Variants in HLTF observed in about 807,000 individuals in gnomAD.
HLTF encodes DNA-dependent ATPase/E3 ubiquitin-protein ligase HLTF.
Under a neutral mutation model 129.4 loss-of-function variants are expected in HLTF, and 127 were observed. The ratio of observed to expected loss-of-function variants is 0.98; its 90% CI spans 0.85 to 1.14. The LOEUF is 1.14. Ranked by LOEUF, HLTF falls within the 50% of genes most tolerant of loss-of-function variation. The probability of loss-of-function intolerance (pLI) is 0.00; values close to 1 mark genes in which losing one functional copy is unlikely to be tolerated. For synonymous variants in HLTF, 332 were observed against 388.8 expected, an observed-to-expected ratio of 0.85 and a Z score of 1.72; for missense variants, 1,139 against 1,187.1, an observed-to-expected ratio of 0.96 and a Z score of 0.60.
In HLTF at chr3:149,060,670, G is replaced by C. The variant is rs773431408; in HGVS notation, c.1258C>G (p.Gln420Glu). 6.2e-7 allele frequency: 1 copy of C among 1,613,090 alleles called. No homozygotes were observed. Among genetic ancestry groups the C allele is most frequent in the Middle Eastern group, 1.7e-4 (1 of 6,048 alleles). The change falls in exon 12 of 25, where the codon CAG becomes GAG. Residue 420 changes from glutamine (Q) to glutamate (E), a missense_variant. Coordinates refer to ENST00000310053, the MANE Select transcript of HLTF (RefSeq NM_003071.4). Reference sequence around the variant, plus strand: ...TTCGCCCTGCCTTTAGTTTCAGACTGTACATTTTTCAGTTTGCCTAAAAAT... The same window carrying C: ...TTCGCCCTGCCTTTAGTTTCAGACTCTACATTTTTCAGTTTGCCTAAAAAT... ...QKMKGKLKNV[Q>E]SETKGRAKAG...
intron 23 of HLTF, 139 bp downstream of exon 23, chr3:149,038,910 T>C (rs191039247): frequency 1.5e-4 from 76 of 522,956 alleles, no homozygotes; most frequent in Middle Eastern, 5.1e-4. Context: ...ATTTACTAAG[T>C]TTTTGTTATT....
chr3:149,036,400 T>C (rs1249609071), intron 23 of HLTF, among the ~76,000 whole-genome samples: 1 of 144,988 alleles, frequency 6.9e-6, no homozygotes, highest in Non-Finnish European at 1.5e-5. Context: ...GCGATTCTCC[T>C]GCCTCAGCCT....
At chr3:149,073,103 T>C in intron 5 of HLTF, 122 bp downstream of exon 5, 1 of 493,406 alleles carries the variant, frequency 2.0e-6, no homozygotes, top group South Asian at 4.9e-5. Flanking sequence ...CATGTTTCAT[T>C]ATAACTTAAT....
In HLTF at chr3:149,055,379, G is replaced by C. The variant is rs957070470; in HGVS notation, c.1397C>G (p.Ser466Ter). The change falls in exon 14 of 25, where the codon TCA becomes TGA. Residue 466 changes from serine to a stop codon, truncating the protein, a stop_gained. Coordinates refer to ENST00000310053, the MANE Select transcript of HLTF (RefSeq NM_003071.4). LOFTEE classifies it high-confidence loss of function. ...TCTCTCCTCAACATCAGTTTTCTTT[G>C]ACCCCTCCACTGCACAAGCTCCTAA... ...LKKGACAVEG[S>*]KKTDVEERPR... 6.2e-7 allele frequency: 1 copy of C among 1,613,324 alleles called. No homozygotes were observed. The highest frequency in any genetic ancestry group is 8.5e-7 in the Non-Finnish European group (1 of 1,179,428).
rs113393362 is a variant in HLTF at position 149,042,027 on chromosome 3, T to G, written c.2197+139A>C. ...GTAAAAAAATTATTGGATGTATTCC[T>G]AGCTGAGTCTCACACTAAAAGCAAT... On this transcript the variant is annotated intron_variant, in intron 19 of 24. Coordinates refer to ENST00000310053, the MANE Select transcript of HLTF (RefSeq NM_003071.4). 5.4e-5 allele frequency: 39 copies of G among 717,578 alleles called. 2 individuals are homozygous for G. The African/African-American group carries it at 5.5e-4, about 10-fold the overall frequency. 44.5% of individuals were successfully genotyped at this position (717,578 alleles called of 1,614,324 possible). A position where few individuals can be genotyped will look rare whatever the true frequency, so the allele number is the denominator to read the frequency against.
At chr3:149,056,627 A>AT (rs1717460006) in intron 13 of HLTF, among the ~76,000 whole-genome samples, 1 of 152,190 alleles carries the variant, frequency 6.6e-6, no homozygotes, top group Non-Finnish European at 1.5e-5. Context: ...ACCAAACCCT[A>AT]TATATAATGT....
chr3:149,035,517 G>A (rs904587683), intron 23 of HLTF, among the ~76,000 whole-genome samples: 5 of 151,894 alleles, frequency 3.3e-5, no homozygotes, highest in Admixed American at 6.6e-5. Context: ...AATTAGCCGG[G>A]AGAGGTGGCG....
intron 2 of HLTF, among the ~76,000 whole-genome samples, chr3:149,083,928 GA>G (rs71617498): frequency 9.5e-4 from 125 of 131,536 alleles, no homozygotes; most frequent in Admixed American, 1.9e-3. Flanking sequence ...CAAAAAAAAA[GA>G]AAAAAAAAAA....
chr3:149,057,812 A>G (rs2108010552), intron 13 of HLTF, among the ~76,000 whole-genome samples: 1 of 152,352 alleles, frequency 6.6e-6, no homozygotes, highest in East Asian at 1.9e-4. Context: ...AGTAGATTAC[A>G]ATTTATTTAC....
intron 4 of HLTF, 43 bp downstream of exon 4, chr3:149,074,172 T>A (rs1719129216): frequency 6.4e-7 from 1 of 1,566,138 alleles, no homozygotes; most frequent in African/African-American, 1.4e-5. Context: ...AATCCCTGCA[T>A]CTTACAATAT....
At chr3:149,086,292 G>T (rs1203362355) in intron 1 of HLTF, 25 bp downstream of exon 1, 1 of 1,600,428 alleles carries the variant, frequency 6.2e-7, no homozygotes. Flanking sequence ...TAGACCGAGC[G>T]CCCCACCCCC....
chr3:149,033,631 A>T (rs1715324963), intron 24 of HLTF, among the ~76,000 whole-genome samples: 1 of 152,036 alleles, frequency 6.6e-6, no homozygotes, highest in African/African-American at 2.4e-5. Context: ...TGAAAGTGAC[A>T]TTTCATACTA....
intron 19 of HLTF, 71 bp from the exon 20 acceptor site, chr3:149,041,739 G>T: frequency 9.1e-7 from 1 of 1,096,680 alleles, no homozygotes; most frequent in Non-Finnish European, 1.3e-6. Flanking sequence ...ATCTTATAAG[G>T]AAAAGTTTCG....
intron 13 of HLTF, among the ~76,000 whole-genome samples, chr3:149,058,978 A>T (rs1376936842): frequency 1.3e-5 from 2 of 152,210 alleles, no homozygotes; most frequent in Non-Finnish European, 2.9e-5. Context: ...TCTATTCCTA[A>T]TTATCTGATT....
At chr3:149,048,789 A>G (rs896671728) in intron 16 of HLTF, 74 bp downstream of exon 16, 1 of 1,181,672 alleles carries the variant, frequency 8.5e-7, no homozygotes, top group Non-Finnish European at 1.2e-6. Context: ...TAAGTTTACA[A>G]AGTTACTTTA....
chr3:149,055,399 T>TC lies in HLTF; in HGVS notation c.1376dup (p.Ala460SerfsTer11), dbSNP rs1415102603. On this transcript the variant is annotated frameshift_variant and splice_region_variant, in exon 14 of 25. Coordinates refer to ENST00000310053, the MANE Select transcript of HLTF (RefSeq NM_003071.4). LOFTEE classifies it high-confidence loss of function. Reference sequence around the variant, plus strand: ...TCTTTGACCCCTCCACTGCACAAGCTCCTAAAAAAATGAACCACTGATAGA... The same window carrying TC: ...TCTTTGACCCCTCCACTGCACAAGCTCCCTAAAAAAATGAACCACTGATAGA... 1 of 1,610,310 alleles carries TC rather than the reference T, an allele frequency of 6.2e-7. No homozygotes were observed. The highest frequency in any genetic ancestry group is 2.2e-5 in the East Asian group (1 of 44,800).
At position 149,041,341 on chromosome 3, in the gene HLTF, T is replaced by A. The variant is rs1352053417; in HGVS notation, c.2376+149A>T. 10 of 445,770 alleles carry A rather than the reference T, an allele frequency of 2.2e-5. No individual in the cohort carries two copies. The East Asian group carries it at 3.4e-4, about 15-fold the overall frequency. The allele number at this position is 445,770 out of a possible 1,614,324, so 27.6% of individuals were successfully genotyped here. A position where few individuals can be genotyped will look rare whatever the true frequency, so the allele number is the denominator to read the frequency against. On this transcript the variant is annotated intron_variant, in intron 20 of 24. Transcript: ENST00000310053. ...GTTGCAAATGTTGCATTAGAAGAAATATATCACCTATTAAAATACTGGAAT... is the reference window on the plus strand; with the variant it reads ...GTTGCAAATGTTGCATTAGAAGAAAAATATCACCTATTAAAATACTGGAAT...
At chr3:149,051,008 G>A (rs1247212084) in intron 14 of HLTF, among the ~76,000 whole-genome samples, 1 of 151,956 alleles carries the variant, frequency 6.6e-6, no homozygotes, top group East Asian at 1.9e-4. Flanking sequence ...AAGATACCAG[G>A]GAGACACAGC....
chr3:149,041,741 A>G, intron 19 of HLTF, 73 bp from the exon 20 acceptor site: 1 of 1,069,896 alleles, frequency 9.3e-7, no homozygotes, highest in South Asian at 1.5e-5. Context: ...CTTATAAGGA[A>G]AAGTTTCGCT....
Sources: allele counts gnomAD v4.1 joint callset (sites outside exome capture counted in the v4.1 genomes callset), GRCh38; gene constraint gnomAD v4.1.1; transcripts MANE v1.5; gene names NCBI Gene and HGNC (gene_info 2026-07-23, HGNC 2026-07-21).